SGSH: variants seen among roughly 807,000 people sequenced by gnomAD.
SGSH encodes N-sulfoglucosamine sulfohydrolase.
SGSH carries 48 observed loss-of-function variants against 51.0 expected under a neutral mutation model. That is an observed-to-expected ratio of 0.94 (90% CI 0.75 to 1.20). SGSH has a LOEUF of 1.20. SGSH is among the 50% of genes most tolerant of loss of function. SGSH has a pLI of 0.00. For synonymous variants in SGSH, 321 were observed against 313.4 expected, an observed-to-expected ratio of 1.02 and a Z score of -0.26; for missense variants, 662 against 717.8, an observed-to-expected ratio of 0.92 and a Z score of 0.89.
At chr17:80,205,375 A>G (rs1598713816), downstream of SGSH, 17 of 1,179,596 alleles carry the variant, frequency 1.4e-5, no homozygotes, top group East Asian at 4.1e-4. Flanking sequence ...CAGGGCACAG[A>G]GCGGGGTGTG....
rs1479456289 is a variant in SGSH, at chr17:80,215,121, G to A, written c.267C>T (p.Tyr89=). 6 of 1,611,180 alleles carry A rather than the reference G, an allele frequency of 3.7e-6. No homozygotes were observed. The highest frequency in any genetic ancestry group is 1.6e-4 in the Middle Eastern group (1 of 6,062). ...AGTGGTGCACGTCCTGGTGCAGCCC[G>A]TACATCCCATTCTGATGCTGCCAGC... is the stretch of plus-strand genomic sequence containing the variant. The part of the protein sequence containing the change: ...TGLPQHQNGM[Y]GLHQDVHHFN... The change falls in exon 3 of 8, where the codon TAC becomes TAT. Residue 89 remains tyrosine, a synonymous_variant. Transcript: ENST00000326317.
At chr17:80,206,938 C>T, downstream of SGSH, 1 of 1,543,528 alleles carries the variant, frequency 6.5e-7, no homozygotes, top group Non-Finnish European at 8.9e-7. Flanking sequence ...GGCCTGTGAT[C>T]TTGACTCACT....
chr17:80,210,608 C>T lies in SGSH; in HGVS notation c.1353G>A (p.Leu451=). The T allele has an allele frequency of 6.2e-7, 1 of 1,613,630 alleles. No individual in the cohort carries two copies. The highest frequency in any genetic ancestry group is 8.5e-7 in the Non-Finnish European group (1 of 1,179,942). The change falls in exon 8 of 8, where the codon CTG becomes CTA. Residue 451 remains leucine (L), a synonymous_variant. Coordinates refer to ENST00000326317, the MANE Select transcript of SGSH (RefSeq NM_000199.5). ...GCTGAGCAAAGCGCGGGTCGGTGGC[C>T]AGGTTCTGGGTCTCGTGGGGGTCCC... ...RSRDPHETQN[L]ATDPRFAQLL... is the part of the protein sequence containing the mutation.
chr17:80,215,261 T>G (rs2041847748), intron 2 of SGSH, 123 bp from the exon 3 acceptor site: 4 of 725,144 alleles, frequency 5.5e-6, no homozygotes, highest in Non-Finnish European at 4.9e-6. Context: ...AGACTTCGAG[T>G]GGCCAGCACC....
At chr17:80,202,445 G>A (rs751816944), downstream of SGSH, 14 of 1,603,808 alleles carry the variant, frequency 8.7e-6, no homozygotes, top group African/African-American at 4.0e-5. Context: ...CGAGCTCGGT[G>A]CGTCCCCAGA....
At position 80,210,527 on chromosome 17, in the gene SGSH, G is replaced by A. The variant is rs762345260; in HGVS notation, c.1434C>T (p.Pro478=). ...GGACGCCGTCGGGGGCGCACACCCA[G>A]GGGTCGTGGGTCTCCCACTGCCACT... ...LAKWQWETHD[P]WVCAPDGVLE... The change falls in exon 8 of 8, where the codon CCC becomes CCT. Residue 478 remains proline, a synonymous_variant. Coordinates refer to ENST00000326317, the MANE Select transcript of SGSH (RefSeq NM_000199.5). The A allele has an allele frequency of 1.2e-6, 2 of 1,611,266 alleles. No individual in the cohort carries two copies. Among genetic ancestry groups the A allele is most frequent in the African/African-American group, 1.3e-5 (1 of 75,028 alleles).
downstream of SGSH, among the ~76,000 whole-genome samples, chr17:80,207,908 G>A (rs1348113011): frequency 2.6e-5 from 4 of 151,936 alleles, no homozygotes; most frequent in Non-Finnish European, 5.9e-5. Flanking sequence ...CCTGGGGACA[G>A]ACCAAGATGT....
At chr17:80,203,269 CAAA>C (rs5822329), downstream of SGSH, 12 of 109,690 alleles carry the variant, frequency 1.1e-4, no homozygotes, top group Non-Finnish European at 1.2e-4. The surrounding 1 kb of genome is among the most constrained non-coding windows in gnomAD (Gnocchi z 4.6). Context: ...GACTCTGTCT[CAAA>C]AAAAAAAAAA....
At chr17:80,218,684 C>G (rs1464102327) in intron 1 of SGSH, among the ~76,000 whole-genome samples, 1 of 152,232 alleles carries the variant, frequency 6.6e-6, no homozygotes, top group African/African-American at 2.4e-5. Flanking sequence ...CTGCCCTTCT[C>G]CAAACCCAGA....
chr17:80,212,371 G>A lies in SGSH; in HGVS notation c.746-97C>T. The A allele has an allele frequency of 9.2e-7, 1 of 1,086,812 alleles. No homozygotes were observed. 67.3% of individuals were successfully genotyped at this position (1,086,812 alleles called of 1,614,324 possible). A position where few individuals can be genotyped will look rare whatever the true frequency, so the allele number is the denominator to read the frequency against. The stretch of plus-strand genomic sequence containing the variant: ...CCACCTGCTGCTGCATCCGGCCGCT[G>A]GGCTCCAGCGCTTTCCGGATTCGAA... On this transcript the variant is annotated intron_variant, in intron 6 of 7. Transcript: ENST00000326317. This position sits in a 1 kb window ranked among gnomAD's most constrained non-coding sequence, Gnocchi z 5.9.
At chr17:80,214,381 C>A in intron 4 of SGSH, 53 bp from the exon 5 acceptor site, 1 of 1,587,732 alleles carries the variant, frequency 6.3e-7, no homozygotes. Context: ...CCACGTGGCA[C>A]AGGAAGCCCC....
At chr17:80,203,984 G>C (rs2041133593), downstream of SGSH, 1 of 1,023,614 alleles carries the variant, frequency 9.8e-7, no homozygotes, top group African/African-American at 1.6e-5. This position sits in a 1 kb window ranked among gnomAD's most constrained non-coding sequence, Gnocchi z 4.6. Context: ...AGAGTGGGCT[G>C]CTGATTGGAG....
Position 80,210,661 on chromosome 17 carries a change from C to A in SGSH, c.1300G>T (p.Ala434Ser), listed in dbSNP as rs778242416. ...YKDLRHYYYR[A>S]RWELYDRSRD... ...CTCCGGTCGTAGAGCTCCCAGCGCGCCCGGTAGTAGTAATGACGGAGGTCC... is the reference window on the plus strand; with the variant it reads ...CTCCGGTCGTAGAGCTCCCAGCGCGACCGGTAGTAGTAATGACGGAGGTCC... Residue 434 changes from alanine to serine, a missense_variant, in exon 8 of 8, where the codon GCG becomes TCG. Transcript: ENST00000326317. 6.8e-6 allele frequency: 11 copies of A among 1,613,778 alleles called. No individual in the cohort carries two copies. In the South Asian group the frequency reaches 1.1e-4, roughly 16 times the overall value.
downstream of SGSH, chr17:80,203,972 G>A (rs1598705517): frequency 1.8e-6 from 2 of 1,126,576 alleles, no homozygotes; most frequent in Admixed American, 2.3e-5. The surrounding 1 kb of genome is among the most constrained non-coding windows in gnomAD (Gnocchi z 4.6). Flanking sequence ...GGCACTGTGT[G>A]GAGAGTGGGC....
chr17:80,213,544 A>G lies in SGSH; in HGVS notation c.745+260T>C. ...ATCTGACCCAGGTCCTGTGACTGGA[A>G]ATATCTGAAGTCTTCACGCAACCTC... On this transcript the variant is annotated intron_variant, in intron 6 of 7. Transcript: ENST00000326317. This position sits in a 1 kb window ranked among gnomAD's most constrained non-coding sequence, Gnocchi z 4.6. 1 of 561,856 alleles carries G rather than the reference A, an allele frequency of 1.8e-6. No individual in the cohort carries two copies. Among genetic ancestry groups the G allele is most frequent in the South Asian group, 2.3e-5 (1 of 44,132 alleles). The allele number at this position is 561,856 out of a possible 1,614,324, so 34.8% of individuals were successfully genotyped here. A position where few individuals can be genotyped will look rare whatever the true frequency, so the allele number is the denominator to read the frequency against.
chr17:80,207,109 C>A, downstream of SGSH: 1 of 1,571,774 alleles, frequency 6.4e-7, no homozygotes, highest in Non-Finnish European at 8.7e-7. Flanking sequence ...GGGGGCTGGG[C>A]AGGGGCTTCG....
downstream of SGSH, chr17:80,205,550 G>A (rs1567904638): frequency 6.3e-7 from 1 of 1,585,774 alleles, no homozygotes; most frequent in Non-Finnish European, 8.6e-7. Flanking sequence ...GCCAGGAGGA[G>A]TATGAGGCCT....
Position 80,213,767 on chromosome 17 carries a change from G to C in SGSH, c.745+37C>G. 6.4e-7 allele frequency: 1 copy of C among 1,551,466 alleles called. No individual in the cohort carries two copies. The highest frequency in any genetic ancestry group is 8.7e-7 in the Non-Finnish European group (1 of 1,146,336). On this transcript the variant is annotated intron_variant, in intron 6 of 7. Transcript: ENST00000326317. This position sits in a 1 kb window ranked among gnomAD's most constrained non-coding sequence, Gnocchi z 4.6. Reference sequence around the variant, plus strand: ...TGGCCCAGGATGGGGGACCCCGGCCGTGGCACCCCCTCCAGTGCCCGGTTC... The same window carrying C: ...TGGCCCAGGATGGGGGACCCCGGCCCTGGCACCCCCTCCAGTGCCCGGTTC...
At chr17:80,203,819 C>T (rs1261633223), downstream of SGSH, 15 of 1,570,534 alleles carry the variant, frequency 9.6e-6, no homozygotes, top group Admixed American at 1.9e-5. The surrounding 1 kb of genome is among the most constrained non-coding windows in gnomAD (Gnocchi z 4.6). Context: ...CTGGTCTCTG[C>T]AGGGCTCAGC....
Sources: allele counts gnomAD v4.1 joint callset (sites outside exome capture counted in the v4.1 genomes callset), GRCh38; gene constraint gnomAD v4.1.1; non-coding constraint Gnocchi (gnomAD v3.1); transcripts MANE v1.5; gene names NCBI Gene and HGNC (gene_info 2026-07-23, HGNC 2026-07-21).